The following CLEC2A variants were observed in gnomAD, a reference collection of about 807,000 sequenced individuals.
CLEC2A encodes the protein keratinocyte-associated C-type lectin.
CLEC2A carries 19 observed loss-of-function variants against 18.6 expected under a neutral mutation model. The observed-to-expected ratio is 1.02, with a 90% CI of 0.71 to 1.50. The LOEUF (loss-of-function observed/expected upper bound fraction) is 1.50. Ranked by LOEUF, CLEC2A falls within the 40% of genes most tolerant of loss-of-function variation. The pLI is 0.00. For missense variants in CLEC2A, 190 were observed against 207.9 expected (o/e 0.91, Z 0.53); for synonymous variants, 74 against 64.0 (o/e 1.16, Z -0.75).
intron 3 of CLEC2A, among the ~76,000 whole-genome samples, chr12:9,921,138 T>A (rs1367422163): frequency 6.6e-6 from 1 of 152,166 alleles, no homozygotes; most frequent in African/African-American, 2.4e-5. Context: ...TATAACTCCT[T>A]CATGGGTGTT....
In CLEC2A at chr12:9,922,021, T is replaced by C. The variant is rs1276753029; in HGVS notation, c.306+45A>G. On this transcript the variant is annotated intron_variant, in intron 3 of 4. Coordinates refer to ENST00000455827, the MANE Select transcript of CLEC2A (RefSeq NM_001130711.2). ...CTATTATTGTTTTATTATGTTTTTA[T>C]ACAAACAATCTCTGAAATTACTGAA... is the stretch of plus-strand genomic sequence containing the variant. 6 of 1,423,548 alleles carry C rather than the reference T, an allele frequency of 4.2e-6. No homozygotes were observed. In the South Asian group the frequency reaches 7.1e-5, roughly 17 times the overall value. The allele number at this position is 1,423,548 out of a possible 1,614,324, so 88.2% of individuals were successfully genotyped here. A position where few individuals can be genotyped will look rare whatever the true frequency, so the allele number is the denominator to read the frequency against.
chr12:9,889,644 A>ATG, the CLEC2A span, among the ~76,000 whole-genome samples: 184 of 140,828 alleles, frequency 1.3e-3, 2 homozygotes, highest in African/African-American at 5.0e-3. Flanking sequence ...ATGTGTATAT[A>ATG]TATGTGTGTG....
At chr12:9,900,613 G>T (rs2137012848) in intron 4 of CLEC2A, among the ~76,000 whole-genome samples, 1 of 152,254 alleles carries the variant, frequency 6.6e-6, no homozygotes, top group African/African-American at 2.4e-5. Context: ...TCATGGGTTT[G>T]CATCCTCAAA....
intron 4 of CLEC2A, among the ~76,000 whole-genome samples, chr12:9,899,664 G>T (rs1473970230): frequency 1.3e-5 from 2 of 152,228 alleles, no homozygotes; most frequent in African/African-American, 4.8e-5. Flanking sequence ...AAGCAGGGGA[G>T]GCTAGAGAAT....
intron 4 of CLEC2A, among the ~76,000 whole-genome samples, chr12:9,901,817 T>C (rs1004721227): frequency 6.6e-6 from 1 of 152,256 alleles, no homozygotes; most frequent in African/African-American, 2.4e-5. Context: ...AAACCTTTTA[T>C]AACCCTTTAC....
chr12:9,896,781 C>T (rs118092660), downstream of CLEC2A, among the ~76,000 whole-genome samples: 3,159 of 152,164 alleles, frequency 0.021, 51 homozygotes, highest in Non-Finnish European at 0.03. Flanking sequence ...TCCATCACCT[C>T]CAAATATGTC....
At chr12:9,878,929 C>A in the CLEC2A span, among the ~76,000 whole-genome samples, 14 of 152,146 alleles carry the variant, frequency 9.2e-5, no homozygotes, top group South Asian at 1.0e-3. Flanking sequence ...TGTGAGGGAA[C>A]CTGGTGACGA....
chr12:9,926,292 A>C lies in CLEC2A; in HGVS notation c.107T>G (p.Ile36Ser), dbSNP rs1863270777. 1 of 1,549,034 alleles carries C rather than the reference A, an allele frequency of 6.5e-7. No homozygotes were observed. Among genetic ancestry groups the C allele is most frequent in the African/African-American group, 1.4e-5 (1 of 72,962 alleles). Residue 36 changes from isoleucine (I) to serine (S), a missense_variant, in exon 2 of 5, where the codon ATT (isoleucine) becomes AGT (serine). Physicochemically the swap from Ile to Ser is moderately radical, Grantham distance 142 (BLOSUM62 -2). Transcript: ENST00000455827. ...WKIGLMCFLS[I>S]IITTVCIIMI... ...AATAATGCAAACTGTAGTAATAATAATACTCAGGAAGCACATAAGGCCAAT... is the reference window on the plus strand; with the variant it reads ...AATAATGCAAACTGTAGTAATAATACTACTCAGGAAGCACATAAGGCCAAT...
intron 4 of CLEC2A, among the ~76,000 whole-genome samples, chr12:9,899,159 G>C (rs1336196912): frequency 6.6e-6 from 1 of 152,036 alleles, no homozygotes; most frequent in Non-Finnish European, 1.5e-5. Context: ...GGCATGTTGG[G>C]CTCCTGGGTT....
At chr12:9,918,692 C>T (rs1863112838) in intron 3 of CLEC2A, among the ~76,000 whole-genome samples, 1 of 152,082 alleles carries the variant, frequency 6.6e-6, no homozygotes, top group South Asian at 2.1e-4. Context: ...CAGTTCAATG[C>T]CATTCCAGCC....
At chr12:9,901,110 G>A (rs570480879) in intron 4 of CLEC2A, among the ~76,000 whole-genome samples, 1 of 152,108 alleles carries the variant, frequency 6.6e-6, no homozygotes, top group Non-Finnish European at 1.5e-5. Context: ...AATATTCCAA[G>A]CAAAGGTTAA....
At chr12:9,901,392 A>G (rs1415149434) in intron 4 of CLEC2A, among the ~76,000 whole-genome samples, 1 of 152,218 alleles carries the variant, frequency 6.6e-6, no homozygotes, top group Non-Finnish European at 1.5e-5. Context: ...ACAATTGACA[A>G]AGAAGTTTGG....
At chr12:9,920,869 G>GT (rs1177138625) in intron 3 of CLEC2A, among the ~76,000 whole-genome samples, 3 of 152,090 alleles carry the variant, frequency 2.0e-5, no homozygotes, top group African/African-American at 7.2e-5. Flanking sequence ...TCTAAGAGCT[G>GT]TATTTTTAAA....
At chr12:9,900,258 T>A (rs1035129246) in intron 4 of CLEC2A, among the ~76,000 whole-genome samples, 14 of 152,216 alleles carry the variant, frequency 9.2e-5, no homozygotes, top group African/African-American at 3.4e-4. Context: ...ATCCCTCTTG[T>A]TCTTTCTGAC....
At chr12:9,891,517 A>T in the CLEC2A span, among the ~76,000 whole-genome samples, 1 of 152,170 alleles carries the variant, frequency 6.6e-6, no homozygotes, top group Non-Finnish European at 1.5e-5. Context: ...AAATTATTTC[A>T]TCCAAGTGGC....
At chr12:9,924,368 T>C (rs985487718) in intron 2 of CLEC2A, among the ~76,000 whole-genome samples, 1 of 152,058 alleles carries the variant, frequency 6.6e-6, no homozygotes, top group African/African-American at 2.4e-5. Flanking sequence ...GCAATAACAT[T>C]AAGCTCTAAG....
intron 2 of CLEC2A, 87 bp downstream of exon 2, chr12:9,926,173 T>A: frequency 1.3e-6 from 1 of 779,428 alleles, no homozygotes; most frequent in East Asian, 2.7e-5. Context: ...TCACTCTAGA[T>A]GTGGGAGATT....
chr12:9,903,625 T>C (rs1466933394), intron 4 of CLEC2A, among the ~76,000 whole-genome samples: 1 of 152,216 alleles, frequency 6.6e-6, no homozygotes, highest in Non-Finnish European at 1.5e-5. Flanking sequence ...ATATCTAATG[T>C]TATTCTATTT....
the CLEC2A span, chr12:9,893,028 TA>T: frequency 6.5e-7 from 1 of 1,535,412 alleles, no homozygotes; most frequent in Non-Finnish European, 8.7e-7. Context: ...AGGACACAAT[TA>T]CTTGTGCCCA....
Sources: gnomAD v4.1 joint callset for allele counts (sites outside exome capture counted in the v4.1 genomes callset) on GRCh38, gnomAD v4.1.1 for gene constraint, MANE v1.5 for transcripts, NCBI Gene and HGNC (gene_info 2026-07-23, HGNC 2026-07-21) for gene names.